Variants in ASL observed in about 807,000 individuals in gnomAD.
ASL encodes the protein argininosuccinate lyase, also known as argininosuccinase.
A neutral mutation model predicts 69.1 loss-of-function variants in ASL; 51 were observed. The observed-to-expected ratio is 0.74, with a 90% CI of 0.59 to 0.93. The LOEUF (loss-of-function observed/expected upper bound fraction) is 0.93, where lower values mean the gene tolerates loss of function less well. Ranked by LOEUF, ASL falls within the 40% of genes least tolerant of loss-of-function variation. ASL has a pLI of 0.00. For synonymous variants in ASL, 241 were observed against 247.6 expected (o/e 0.97, Z 0.25); for missense variants, 540 against 623.9 (o/e 0.87, Z 1.43).
rs77255762 is a variant in ASL at position 66,084,164 on chromosome 7, GT to G, written c.446+1003del. On this transcript the variant is annotated intron_variant, in intron 6 of 16. Transcript: ENST00000304874. ...TTTTTTGTTGTTGTTGTTTGTTGTT[GT>G]TTTTTTTTTTTTGAGACAGGGTTTT... 9.7e-3 allele frequency among the ~76,000 whole-genome samples: 1,364 copies of G among 141,080 alleles called. 15 individuals are homozygous for G. Among genetic ancestry groups the G allele is most frequent in the African/African-American group, 0.031 (1,177 of 38,038 alleles). The allele number at this position is 141,080 out of a possible 152,430, so 92.6% of individuals were successfully genotyped here.
intron 14 of ASL, among the ~76,000 whole-genome samples, chr7:66,091,052 C>T (rs1481718883): frequency 1.4e-5 from 2 of 144,626 alleles, no homozygotes; most frequent in East Asian, 2.1e-4. Flanking sequence ...GAGCAGAGAT[C>T]ACGCCACTGC....
chr7:66,088,718 C>G, intron 10 of ASL, 89 bp from the exon 11 acceptor site: 1 of 1,118,242 alleles, frequency 8.9e-7, no homozygotes. Flanking sequence ...TAGCCGGGTC[C>G]CCCCACCGCC....
At chr7:66,085,142 A>T (rs1431053831) in intron 6 of ASL, among the ~76,000 whole-genome samples, 2 of 152,166 alleles carry the variant, frequency 1.3e-5, no homozygotes, top group Non-Finnish European at 2.9e-5. Flanking sequence ...GTAAACTTTA[A>T]ATGAGTAAAT....
intron 10 of ASL, 66 bp from the exon 11 acceptor site, chr7:66,088,741 G>GC: frequency 3.6e-6 from 5 of 1,400,256 alleles, no homozygotes; most frequent in Non-Finnish European, 4.0e-6. Context: ...ACCTCCTCCT[G>GC]CCCCCTGTAT....
chr7:66,083,206 C>A, intron 6 of ASL, 32 bp downstream of exon 6: 1 of 1,607,500 alleles, frequency 6.2e-7, no homozygotes, highest in Non-Finnish European at 8.5e-7. Context: ...AGGGGGCAGA[C>A]AGAGGTGTGA....
At chr7:66,087,694 C>T (rs372568540) in intron 9 of ASL, 35 bp from the exon 10 acceptor site, 1 of 1,613,848 alleles carries the variant, frequency 6.2e-7, no homozygotes, top group Non-Finnish European at 8.5e-7. Flanking sequence ...ACTCCCTGTC[C>T]TCCAGCTTAG....
At chr7:66,087,481 G>A (rs1174844186) in intron 9 of ASL, 95 bp downstream of exon 9, 2 of 1,461,794 alleles carry the variant, frequency 1.4e-6, no homozygotes, top group Non-Finnish European at 1.9e-6. Context: ...GGGGCCTGTG[G>A]CTCCTGGTGA....
intron 14 of ASL, 90 bp downstream of exon 14, chr7:66,089,785 G>A: frequency 2.1e-6 from 3 of 1,407,810 alleles, no homozygotes; most frequent in Non-Finnish European, 2.9e-6. Context: ...GAGGTGAGGT[G>A]GGGCTGGAGG....
intron 3 of ASL, 28 bp from the exon 4 acceptor site, chr7:66,082,340 A>G: frequency 6.3e-7 from 1 of 1,596,500 alleles, no homozygotes; most frequent in Non-Finnish European, 8.5e-7. Flanking sequence ...TGCTCACCTG[A>G]CCCCGGCATT....
intron 6 of ASL, among the ~76,000 whole-genome samples, chr7:66,083,502 T>A (rs1786571757): frequency 6.6e-6 from 1 of 151,808 alleles, no homozygotes; most frequent in Non-Finnish European, 1.5e-5. Context: ...CTGGCCAACA[T>A]GGGAAAACTC....
chr7:66,077,405 CAG>C (rs1786378609), intron 2 of ASL, among the ~76,000 whole-genome samples: 1 of 151,954 alleles, frequency 6.6e-6, no homozygotes, highest in Admixed American at 6.6e-5. Flanking sequence ...GCCCAGGCAA[CAG>C]AGTGAGATCC....
At position 66,089,594 on chromosome 7, in the gene ASL, C is replaced by G. The variant is rs758840140; in HGVS notation, c.979-18C>G. The G allele has an allele frequency of 5.0e-6, 8 of 1,613,162 alleles. No homozygotes were observed. Among genetic ancestry groups the G allele is most frequent in the Non-Finnish European group, 6.8e-6 (8 of 1,179,918 alleles). ...CAGGGGGCTGCTAGGCCCTCACCTC[C>G]TGCCATGTGCCTCCCAGGAGGACAA... On this transcript the variant is annotated intron_variant, in intron 13 of 16. Transcript: ENST00000304874.
rs752333334 is a variant in ASL at position 66,088,852 on chromosome 7, G to A, written c.764G>A (p.Arg255Lys). 1.2e-6 allele frequency: 2 copies of A among 1,614,082 alleles called. No homozygotes were observed. The highest frequency in any genetic ancestry group is 2.2e-5 in the South Asian group (2 of 91,038). Residue 255 changes from arginine (R) to lysine (K), a missense_variant, in exon 11 of 17, where the codon AGG (arginine) becomes AAG (lysine). Physicochemically the swap from Arg to Lys is conservative, Grantham distance 26 (BLOSUM62 2). Coordinates refer to ENST00000304874, the MANE Select transcript of ASL (RefSeq NM_000048.4). ...WASLCMTHLS[R>K]MAEDLILYCT... ...TCGCTGTGCATGACCCATCTCAGCA[G>A]GATGGCCGAGGACCTCATCCTCTAC...
intron 13 of ASL, 110 bp downstream of exon 13, chr7:66,089,445 C>T (rs1786778945): frequency 2.0e-6 from 3 of 1,470,494 alleles, no homozygotes; most frequent in Non-Finnish European, 2.8e-6. Flanking sequence ...CCTGTGCACA[C>T]AGCTCCATCC....
At chr7:66,084,662 C>T (rs1349029850) in intron 6 of ASL, among the ~76,000 whole-genome samples, 1 of 151,662 alleles carries the variant, frequency 6.6e-6, no homozygotes, top group East Asian at 2.0e-4. Context: ...CTCTGTTGCC[C>T]AGGCTGGAGT....
Position 66,084,319 on chromosome 7 carries a change from C to A in ASL, c.446+1145C>A, listed in dbSNP as rs541236756. On this transcript the variant is annotated intron_variant, in intron 6 of 16. Transcript: ENST00000304874. ...AGATTACAGGTGTGCACCACCATGTCCAGCTAATTTTTGTATTTTTTTCAG... is the reference window on the plus strand; with the variant it reads ...AGATTACAGGTGTGCACCACCATGTACAGCTAATTTTTGTATTTTTTTCAG... Among the ~76,000 whole-genome samples, 106 of 151,558 alleles carry A rather than the reference C, an allele frequency of 7.0e-4. 1 individual carries two copies. The highest frequency in any genetic ancestry group is 1.4e-3 in the Non-Finnish European group (96 of 67,900).
At position 66,077,684 on chromosome 7, in the gene ASL, G is replaced by A. The variant is rs922761195; in HGVS notation, c.12+1591G>A. Among the ~76,000 whole-genome samples the A allele has an allele frequency of 9.3e-4, 140 of 151,244 alleles. 3 individuals are homozygous for A. Among genetic ancestry groups the A allele is most frequent in the Non-Finnish European group, 1.6e-4 (11 of 67,848 alleles). On this transcript the variant is annotated intron_variant, in intron 2 of 16. Coordinates refer to ENST00000304874, the MANE Select transcript of ASL (RefSeq NM_000048.4). ...GCGGAGGTTGCAGTGAGCTGAGATC[G>A]CACCACTGCACTCCAGCCTGGGCGA...
chr7:66,082,603 A>G, intron 4 of ASL, 152 bp downstream of exon 4: 3 of 1,007,572 alleles, frequency 3.0e-6, no homozygotes, highest in Admixed American at 4.1e-5. Flanking sequence ...GCTCATGCCT[A>G]TAATCCTAGC....
At position 66,092,070 on chromosome 7, in the gene ASL, A is replaced by G. The variant is rs761034915; in HGVS notation, c.1127A>G (p.Tyr376Cys). The change falls in exon 15 of 17, where the codon TAC becomes TGC. Residue 376 changes from tyrosine (Y) to cysteine (C), a missense_variant. Coordinates refer to ENST00000304874, the MANE Select transcript of ASL (RefSeq NM_000048.4). ...ATGCTGGCCACTGACCTTGCCTATT[A>G]CCTGGTCCGCAAAGGGGTAAGTGTG... ...PDMLATDLAYYLVRKGMPFRQ... is the reference protein window; with the variant it reads ...PDMLATDLAYCLVRKGMPFRQ... 8.7e-6 allele frequency: 14 copies of G among 1,612,530 alleles called. No homozygotes were observed. The highest frequency in any genetic ancestry group is 1.2e-5 in the Non-Finnish European group (14 of 1,179,982).
Sources: gnomAD v4.1 joint callset for allele counts (sites outside exome capture counted in the v4.1 genomes callset) on GRCh38, gnomAD v4.1.1 for gene constraint, MANE v1.5 for transcripts, NCBI Gene and HGNC (gene_info 2026-07-23, HGNC 2026-07-21) for gene names.